XAGE2: variants seen among roughly 807,000 people sequenced by gnomAD.
The protein encoded by XAGE2 is X antigen family member 2, also known as G antigen family D member 3.
A neutral mutation model predicts 9.9 loss-of-function variants in XAGE2; 7 were observed. That is an observed-to-expected ratio of 0.71 (90% CI 0.40 to 1.32). The LOEUF (loss-of-function observed/expected upper bound fraction) is 1.32, where lower values mean the gene tolerates loss of function less well. Among genes scored for constraint, XAGE2 ranks in the 40% most tolerant of loss-of-function variants. XAGE2 has a pLI of 0.01. For synonymous variants in XAGE2, 31 were observed against 26.8 expected (o/e 1.16, Z -0.48); for missense variants, 85 against 81.0 (o/e 1.05, Z -0.19).
At chrX:52,375,152 T>C (rs1921283786) in intron 4 of XAGE2, among the ~76,000 whole-genome samples, 1 of 112,193 alleles carries the variant, frequency 8.9e-6, no homozygotes, top group Non-Finnish European at 1.9e-5. Flanking sequence ...ATCCAGACCA[T>C]AGTTTCAAGC....
intron 4 of XAGE2, 29 bp from the exon 5 acceptor site, chrX:52,375,540 A>G (rs978324319): frequency 3.3e-6 from 4 of 1,200,030 alleles, no homozygotes; most frequent in South Asian, 1.8e-5. Context: ...TCTGCTAGTA[A>G]TGTTCCACCT....
At chrX:52,370,294 T>A (rs1921158443) in intron 2 of XAGE2, among the ~76,000 whole-genome samples, 199 bp downstream of exon 2, 1 of 112,281 alleles carries the variant, frequency 8.9e-6, no homozygotes, top group South Asian at 3.7e-4. Flanking sequence ...CCATCATGAC[T>A]TCCTCCTCAT....
chrX:52,370,876 A>T (rs1456778026), intron 3 of XAGE2, among the ~76,000 whole-genome samples: 2 of 112,296 alleles, frequency 1.8e-5, no homozygotes, highest in East Asian at 5.6e-4. Flanking sequence ...CTTTTTTTCA[A>T]GATTTATTTT....
At chrX:52,374,466 C>T (rs954160249) in intron 4 of XAGE2, among the ~76,000 whole-genome samples, 1 of 111,885 alleles carries the variant, frequency 8.9e-6, no homozygotes, top group Admixed American at 9.5e-5. Flanking sequence ...CTCCTGACCT[C>T]GGGTGATCCA....
chrX:52,375,384 A>G (rs1165316594), intron 4 of XAGE2, among the ~76,000 whole-genome samples, 185 bp from the exon 5 acceptor site: 2 of 111,834 alleles, frequency 1.8e-5, no homozygotes, highest in Admixed American at 9.5e-5. Context: ...AATAATGTAT[A>G]TGTTTGGAAG....
chrX:52,372,691 A>C, intron 4 of XAGE2, 22 bp downstream of exon 4: 2 of 1,207,405 alleles, frequency 1.7e-6, no homozygotes, highest in Non-Finnish European at 1.1e-6. Context: ...ATTAAGACAC[A>C]AAGTTATGTG....
At chrX:52,374,127 CTATT>C (rs1319198005) in intron 4 of XAGE2, among the ~76,000 whole-genome samples, 44 of 112,125 alleles carry the variant, frequency 3.9e-4, no homozygotes, top group South Asian at 3.8e-4. Context: ...AATAGACTAT[CTATT>C]TGTTTCTCCA....
chrX:52,372,478 A>G, intron 3 of XAGE2, 66 bp from the exon 4 acceptor site: 9 of 1,171,649 alleles, frequency 7.7e-6, no homozygotes, highest in Non-Finnish European at 1.0e-5. Context: ...GGAATAGAAT[A>G]TTATTACTTC....
intron 1 of XAGE2, 134 bp from the exon 2 acceptor site, chrX:52,369,873 A>G: frequency 6.0e-6 from 4 of 661,916 alleles, no homozygotes; most frequent in Non-Finnish European, 4.9e-6. Context: ...ACACACTTCT[A>G]GTTGCCCTGG....
At chrX:52,375,215 T>G (rs2146416279) in intron 4 of XAGE2, among the ~76,000 whole-genome samples, 1 of 112,274 alleles carries the variant, frequency 8.9e-6, no homozygotes, top group South Asian at 3.7e-4. Context: ...TTAGTTTTTT[T>G]GTGTGTATTT....
chrX:52,369,582 C>T (rs1388183742), intron 1 of XAGE2, among the ~76,000 whole-genome samples: 4 of 111,707 alleles, frequency 3.6e-5, no homozygotes, highest in Non-Finnish European at 7.5e-5. Flanking sequence ...AACTTCTCAA[C>T]TCCACCCTGG....
At chrX:52,373,679 A>G (rs1232369608) in intron 4 of XAGE2, among the ~76,000 whole-genome samples, 1 of 112,330 alleles carries the variant, frequency 8.9e-6, no homozygotes, top group African/African-American at 3.2e-5. Context: ...ACTATAATGT[A>G]CTAATTCTTG....
chrX:52,372,466 G>T lies in XAGE2; in HGVS notation c.188-78G>T. ...CTACAGGCTTTTATGTCATAACTCT[G>T]TGGAATAGAATATTATTACTTCCTT... On this transcript the variant is annotated intron_variant, in intron 3 of 4. Coordinates refer to ENST00000286049, the MANE Select transcript of XAGE2 (RefSeq NM_130777.3). The T allele has an allele frequency of 2.6e-6, 3 of 1,147,926 alleles. No individual in the cohort carries two copies. In the South Asian group the frequency reaches 5.5e-5, roughly 21 times the overall value. 94.6% of individuals were successfully genotyped at this position (1,147,926 alleles called of 1,213,427 possible).
chrX:52,371,093 C>G (rs925641406), intron 3 of XAGE2, among the ~76,000 whole-genome samples: 2 of 110,999 alleles, frequency 1.8e-5, no homozygotes, highest in African/African-American at 3.3e-5. Flanking sequence ...CTGAATAAAG[C>G]CCATTTGCAT....
chrX:52,371,702 G>A (rs1314213353), intron 3 of XAGE2, among the ~76,000 whole-genome samples: 1 of 111,299 alleles, frequency 9.0e-6, no homozygotes, highest in African/African-American at 3.3e-5. Flanking sequence ...AATTCTCATG[G>A]GAAAACTGTG....
chrX:52,371,264 C>T (rs1004911376), intron 3 of XAGE2, among the ~76,000 whole-genome samples: 3 of 112,119 alleles, frequency 2.7e-5, no homozygotes, highest in Admixed American at 9.5e-5. Context: ...TTGCTTAAAA[C>T]GCTTAATACT....
chrX:52,371,876 A>G (rs1390135809), intron 3 of XAGE2, among the ~76,000 whole-genome samples: 1 of 112,107 alleles, frequency 8.9e-6, no homozygotes, highest in Non-Finnish European at 1.9e-5. Context: ...AGTTTTTGTC[A>G]TAAGCCCAGG....
Position 52,370,734 on chromosome X carries a change from C to CA in XAGE2, c.187+62_187+63insA, listed in dbSNP as rs1228497384. 2.9e-6 allele frequency: 3 copies of CA among 1,029,740 alleles called. No homozygotes were observed. The East Asian group carries it at 9.1e-5, about 31-fold the overall frequency. 84.9% of individuals were successfully genotyped at this position (1,029,740 alleles called of 1,213,427 possible). On this transcript the variant is annotated intron_variant, in intron 3 of 4. Coordinates refer to ENST00000286049, the MANE Select transcript of XAGE2 (RefSeq NM_130777.3). ...AAGGAGGCCTATGTGTCCATCATGC[C>CA]TTATGCCATGACCAGTAATAGGAGG...
chrX:52,371,725 C>T (rs1921197749), intron 3 of XAGE2, among the ~76,000 whole-genome samples: 1 of 111,240 alleles, frequency 9.0e-6, no homozygotes, highest in Non-Finnish European at 1.9e-5. Flanking sequence ...TTTTTTTCCT[C>T]TTATTTTTGG....
Sources: allele counts gnomAD v4.1 joint callset (sites outside exome capture counted in the v4.1 genomes callset), GRCh38; gene constraint gnomAD v4.1.1; transcripts MANE v1.5; gene names NCBI Gene and HGNC (gene_info 2026-07-23, HGNC 2026-07-21).